TMEM178B: variants seen among roughly 807,000 people sequenced by gnomAD.
TMEM178B encodes transmembrane protein 178B.
Under a neutral mutation model 31.0 loss-of-function variants are expected in TMEM178B, and 5 were observed. The ratio of observed to expected loss-of-function variants is 0.16; its 90% CI spans 0.08 to 0.34. TMEM178B has a LOEUF of 0.34. TMEM178B is among the 10% of genes least tolerant of loss of function. TMEM178B has a pLI of 1.00. For synonymous variants in TMEM178B, 164 were observed against 164.0 expected (o/e 1.00, Z 0.00); for missense variants, 275 against 400.3 (o/e 0.69, Z 2.67).
At chr7:141,148,813 A>G (rs557572740) in intron 1 of TMEM178B, among the ~76,000 whole-genome samples, 1 of 152,320 alleles carries the variant, frequency 6.6e-6, no homozygotes, top group South Asian at 2.1e-4. Flanking sequence ...AGGTGTGAGA[A>G]GATCTCTGGG....
intron 2 of TMEM178B, among the ~76,000 whole-genome samples, chr7:141,270,865 TCAGTCA>T (rs1209741927): frequency 1.8e-4 from 27 of 152,334 alleles, no homozygotes; most frequent in African/African-American, 6.0e-4. Flanking sequence ...AATGTTTCCA[TCAGTCA>T]GCCTCTTTTG....
intron 2 of TMEM178B, among the ~76,000 whole-genome samples, chr7:141,324,443 T>G (rs867767243): frequency 0.085 from 10,084 of 118,334 alleles, 1,448 homozygotes; most frequent in African/African-American, 0.24. Flanking sequence ...TTTTTTTTTT[T>G]TTTTTTTTTT....
chr7:141,151,856 C>T (rs1795978793), intron 1 of TMEM178B, among the ~76,000 whole-genome samples: 1 of 152,196 alleles, frequency 6.6e-6, no homozygotes, highest in Admixed American at 6.5e-5. Flanking sequence ...GTGCCCCTCA[C>T]CTCTCAGGTC....
intron 2 of TMEM178B, among the ~76,000 whole-genome samples, chr7:141,315,718 A>T (rs1798990535): frequency 6.6e-6 from 1 of 151,908 alleles, no homozygotes; most frequent in South Asian, 2.1e-4. Context: ...CCTTCCACTT[A>T]CCTCTTGTGT....
At chr7:141,279,366 G>C (rs1379838909) in intron 2 of TMEM178B, among the ~76,000 whole-genome samples, 2 of 152,198 alleles carry the variant, frequency 1.3e-5, no homozygotes, top group African/African-American at 4.8e-5. Context: ...TGGTGTTAAA[G>C]GGTTTTGTTT....
At chr7:141,128,680 C>T (rs901377023) in intron 1 of TMEM178B, among the ~76,000 whole-genome samples, 1 of 152,124 alleles carries the variant, frequency 6.6e-6, no homozygotes, top group Non-Finnish European at 1.5e-5. Context: ...CCGGGGCCCA[C>T]GATGAGTGTG....
chr7:141,258,197 G>A (rs1253879579), intron 2 of TMEM178B, among the ~76,000 whole-genome samples: 1 of 150,534 alleles, frequency 6.6e-6, no homozygotes, highest in Non-Finnish European at 1.5e-5. Flanking sequence ...TGTTATATAT[G>A]TATGTATTTC....
intron 1 of TMEM178B, among the ~76,000 whole-genome samples, chr7:141,187,884 C>T (rs1186148597): frequency 8.7e-4 from 132 of 152,058 alleles, no homozygotes; most frequent in Non-Finnish European, 1.7e-3. Flanking sequence ...TTCTCCCATT[C>T]TGTAGGTTGC....
At chr7:141,187,145 T>G (rs1409553225) in intron 1 of TMEM178B, among the ~76,000 whole-genome samples, 1 of 132,622 alleles carries the variant, frequency 7.5e-6, no homozygotes, top group Admixed American at 8.5e-5. Context: ...CCTGTGTCCA[T>G]GTGTTCTCAT....
intron 1 of TMEM178B, among the ~76,000 whole-genome samples, chr7:141,190,110 A>G (rs1326353676): frequency 1.3e-5 from 2 of 152,220 alleles, no homozygotes; most frequent in African/African-American, 4.8e-5. Context: ...TTGGCTTACG[A>G]CAAGGTTTTG....
At chr7:141,315,447 G>A (rs575060046) in intron 2 of TMEM178B, among the ~76,000 whole-genome samples, 1 of 152,270 alleles carries the variant, frequency 6.6e-6, no homozygotes, top group African/African-American at 2.4e-5. Flanking sequence ...CTATGCTTTT[G>A]CTAGTTTCCT....
intron 2 of TMEM178B, among the ~76,000 whole-genome samples, chr7:141,376,747 A>G (rs1785645756): frequency 6.6e-6 from 1 of 152,214 alleles, no homozygotes; most frequent in African/African-American, 2.4e-5. Flanking sequence ...AAGCTGAGAC[A>G]TTCTGCAGGA....
At chr7:141,451,605 G>A (rs376429210) in intron 3 of TMEM178B, among the ~76,000 whole-genome samples, 3 of 152,130 alleles carry the variant, frequency 2.0e-5, no homozygotes, top group Non-Finnish European at 2.9e-5. Flanking sequence ...GGTAAGAGAC[G>A]ACTCCACACG....
intron 2 of TMEM178B, among the ~76,000 whole-genome samples, chr7:141,331,927 T>C (rs1799306993): frequency 6.6e-6 from 1 of 152,250 alleles, no homozygotes; most frequent in African/African-American, 2.4e-5. Context: ...TTTGTCTTTT[T>C]ATTCAGAATC....
chr7:141,254,931 A>AT (rs1362013725), intron 2 of TMEM178B, among the ~76,000 whole-genome samples: 1 of 152,082 alleles, frequency 6.6e-6, no homozygotes, highest in Non-Finnish European at 1.5e-5. Context: ...ATATAAAATA[A>AT]TTTTTCACTT....
At chr7:141,108,258 G>T (rs542933359) in intron 1 of TMEM178B, among the ~76,000 whole-genome samples, 1 of 152,146 alleles carries the variant, frequency 6.6e-6, no homozygotes, top group Non-Finnish European at 1.5e-5. Context: ...TTTCAGAGAT[G>T]GGAAAAATAA....
rs1799578948 is a variant in TMEM178B, at chr7:141,344,580, CTTCCTTCCT to C, written c.497-93026_497-93018del. ...CCCTCCATTCCTCCCTCCTCCCTTCCTTCCTTCCTTCCTTCCTTCCTTCCTTCCTTCCTT... is the reference window on the plus strand; with the variant it reads ...CCCTCCATTCCTCCCTCCTCCCTTCCTCCTTCCTTCCTTCCTTCCTTCCTT... On this transcript the variant is annotated intron_variant, in intron 2 of 3. Transcript: ENST00000565468. This position sits in a 1 kb window ranked among gnomAD's most constrained non-coding sequence, Gnocchi z 4.1. 1.2e-5 allele frequency among the ~76,000 whole-genome samples: 1 copy of C among 83,490 alleles called. No homozygotes were observed. The highest frequency in any genetic ancestry group is 2.4e-5 in the Non-Finnish European group (1 of 41,436). 54.8% of individuals were successfully genotyped at this position (83,490 alleles called of 152,430 possible). A position where few individuals can be genotyped will look rare whatever the true frequency, so the allele number is the denominator to read the frequency against.
intron 1 of TMEM178B, among the ~76,000 whole-genome samples, chr7:141,204,312 C>T (rs1796927814): frequency 6.6e-6 from 1 of 152,200 alleles, no homozygotes; most frequent in African/African-American, 2.4e-5. Context: ...TAATTACTCT[C>T]CCAAAGGACG....
chr7:141,329,196 C>T (rs1799251291), intron 2 of TMEM178B, among the ~76,000 whole-genome samples: 1 of 152,104 alleles, frequency 6.6e-6, no homozygotes, highest in Non-Finnish European at 1.5e-5. Context: ...CAAGAGATAC[C>T]ATGAAGTTTT....
Sources: gnomAD v4.1 joint callset for allele counts (sites outside exome capture counted in the v4.1 genomes callset) on GRCh38, gnomAD v4.1.1 for gene constraint, Gnocchi (gnomAD v3.1) non-coding constraint, MANE v1.5 for transcripts, NCBI Gene and HGNC (gene_info 2026-07-23, HGNC 2026-07-21) for gene names.